The following GSE1 variants were observed in gnomAD, a reference collection of about 807,000 sequenced individuals.
GSE1 encodes genetic suppressor element 1.
Under a neutral mutation model 112.6 loss-of-function variants are expected in GSE1, and 32 were observed. That is an observed-to-expected ratio of 0.28 (90% CI 0.21 to 0.38). The LOEUF (loss-of-function observed/expected upper bound fraction) is 0.38, where lower values mean the gene tolerates loss of function less well. Ranked by LOEUF, GSE1 falls within the 10% of genes least tolerant of loss-of-function variation. The probability of loss-of-function intolerance (pLI) is 1.00; values close to 1 mark genes in which losing one functional copy is unlikely to be tolerated. For synonymous variants in GSE1, 1,115 were observed against 735.6 expected, an observed-to-expected ratio of 1.52 and a Z score of -8.35; for missense variants, 2,348 against 1,699.2, an observed-to-expected ratio of 1.38 and a Z score of -6.71.
At chr16:85,471,741 G>C (rs963514606) in intron 2 of GSE1, among the ~76,000 whole-genome samples, 1 of 151,650 alleles carries the variant, frequency 6.6e-6, no homozygotes, top group Admixed American at 6.6e-5. Flanking sequence ...CGATGATCTC[G>C]CTCTGTTGCC....
At chr16:85,439,447 G>T (rs1428561963) in intron 2 of GSE1, among the ~76,000 whole-genome samples, 2 of 152,230 alleles carry the variant, frequency 1.3e-5, no homozygotes, top group Non-Finnish European at 2.9e-5. Flanking sequence ...CCGAGCAGGA[G>T]GGGGAGAGAC....
chr16:85,280,346 G>T (rs78268862), intron 1 of GSE1, among the ~76,000 whole-genome samples: 5 of 152,084 alleles, frequency 3.3e-5, no homozygotes, highest in Non-Finnish European at 7.4e-5. Context: ...GATTCCACCC[G>T]TGGAATGCAC....
chr16:85,169,887 C>A lies in GSE1; in HGVS notation c.363C>A (p.Cys121Ter). ...ACTGGCTCAAGCGGCCCCACCAGTG[C>A]GACGCGGGCGCAGGCGGCCGCCGTG... Residue 121 changes from cysteine to a stop codon, truncating the protein, a stop_gained, in exon 1 of 3, where the codon TGC becomes TGA. Coordinates refer to the GSE1 transcript ENST00000637419. LOFTEE classifies it high-confidence loss of function. 2.0e-6 allele frequency: 2 copies of A among 984,422 alleles called. No individual in the cohort carries two copies. The highest frequency in any genetic ancestry group is 2.4e-6 in the Non-Finnish European group (2 of 829,580). The allele number at this position is 984,422 out of a possible 1,614,324, so 61.0% of individuals were successfully genotyped here. A position where few individuals can be genotyped will look rare whatever the true frequency, so the allele number is the denominator to read the frequency against.
At chr16:85,464,744 C>A (rs1172854966) in intron 2 of GSE1, among the ~76,000 whole-genome samples, 1 of 152,242 alleles carries the variant, frequency 6.6e-6, no homozygotes, top group African/African-American at 2.4e-5. Flanking sequence ...GCAGAGGCCA[C>A]CTGCGTGGAG....
chr16:85,453,966 C>G (rs1384441969), intron 2 of GSE1, among the ~76,000 whole-genome samples: 2 of 152,156 alleles, frequency 1.3e-5, no homozygotes, highest in Non-Finnish European at 2.9e-5. Flanking sequence ...AGCTGCCAGC[C>G]AGGTCCTCAT....
At chr16:85,393,986 C>G (rs536091155) in intron 2 of GSE1, among the ~76,000 whole-genome samples, 1 of 152,226 alleles carries the variant, frequency 6.6e-6, no homozygotes, top group Non-Finnish European at 1.5e-5. Context: ...GTGGAGCGCG[C>G]CCCTCTTCTC....
At position 85,671,419 on chromosome 16, in the gene GSE1, G is replaced by A. The variant is rs564412679; in HGVS notation, c.3519+321G>A. On this transcript the variant is annotated intron_variant, in intron 15 of 15. Coordinates refer to ENST00000253458, the MANE Select transcript of GSE1 (RefSeq NM_014615.5). Reference sequence around the variant, plus strand: ...TGCGCCACTGCACTCCAGCCTGGGCGACAGAGCGAGACTCCGTCTCAAAAA... The same window carrying A: ...TGCGCCACTGCACTCCAGCCTGGGCAACAGAGCGAGACTCCGTCTCAAAAA... Among the ~76,000 whole-genome samples, 365 of 123,174 alleles carry A rather than the reference G, an allele frequency of 3.0e-3. 3 individuals carry two copies. Among genetic ancestry groups the A allele is most frequent in the South Asian group, 0.023 (78 of 3,430 alleles). The allele number at this position is 123,174 out of a possible 152,430, so 80.8% of individuals were successfully genotyped here. A position where few individuals can be genotyped will look rare whatever the true frequency, so the allele number is the denominator to read the frequency against.
At chr16:85,307,930 G>A (rs2045726115) in intron 1 of GSE1, among the ~76,000 whole-genome samples, 2 of 152,216 alleles carry the variant, frequency 1.3e-5, no homozygotes, top group Non-Finnish European at 2.9e-5. Context: ...CTGTACACCA[G>A]TACTTGGGAG....
At chr16:85,410,119 C>G (rs1432154353) in intron 2 of GSE1, among the ~76,000 whole-genome samples, 7 of 66,612 alleles carry the variant, frequency 1.1e-4, no homozygotes, top group African/African-American at 2.3e-4. Flanking sequence ...ATAATCCTCA[C>G]TGTTGCACTC....
At chr16:85,604,400 C>T (rs2047594345) in intron 1 of GSE1, among the ~76,000 whole-genome samples, 2 of 152,090 alleles carry the variant, frequency 1.3e-5, no homozygotes, top group East Asian at 1.9e-4. Flanking sequence ...TTTTCTTCAT[C>T]TATCCATCAT....
At chr16:85,548,771 ATCCAGGATGATCTGG>A (rs936226406) in intron 2 of GSE1, among the ~76,000 whole-genome samples, 19 of 152,186 alleles carry the variant, frequency 1.2e-4, no homozygotes, top group African/African-American at 4.6e-4. Context: ...CACCCTAATC[ATCCAGGATGATCTGG>A]TCTGGGGATT....
At position 85,664,846 on chromosome 16, in the gene GSE1, C is replaced by G; in HGVS notation, c.2645-169C>G. The stretch of plus-strand genomic sequence containing the variant: ...GGATGCCGAGAGCAATCTGGGCTCG[C>G]TTTGAGATGGTTGCTTCCTTTCAAC... On this transcript the variant is annotated intron_variant, in intron 11 of 15. Coordinates refer to ENST00000253458, the MANE Select transcript of GSE1 (RefSeq NM_014615.5). 3 of 603,156 alleles carry G rather than the reference C, an allele frequency of 5.0e-6. No individual in the cohort carries two copies. In the Admixed American group the frequency reaches 8.1e-5, roughly 16 times the overall value. The allele number at this position is 603,156 out of a possible 1,614,324, so 37.4% of individuals were successfully genotyped here.
At chr16:85,475,147 C>T (rs2050413057) in intron 2 of GSE1, among the ~76,000 whole-genome samples, 1 of 152,234 alleles carries the variant, frequency 6.6e-6, no homozygotes, top group African/African-American at 2.4e-5. Flanking sequence ...CTCTTCCTGC[C>T]CCTCTCAGAC....
chr16:85,661,660 GC>G lies in GSE1; in HGVS notation c.2160del (p.Asp721ThrfsTer73). The G allele has an allele frequency of 6.2e-7, 1 of 1,611,004 alleles. No homozygotes were observed. Among genetic ancestry groups the G allele is most frequent in the Non-Finnish European group, 8.5e-7 (1 of 1,179,328 alleles). On this transcript the variant is annotated frameshift_variant, in exon 9 of 16. Coordinates refer to ENST00000253458, the MANE Select transcript of GSE1 (RefSeq NM_014615.5). LOFTEE classifies it high-confidence loss of function. ...GSPYRPPVPR[A>X]PDPAYIYDEF... ...GCCCTACCGGCCCCCAGTGCCACGG[GC>G]CCCCGACCCTGCCTACATCTATGAT... is the stretch of plus-strand genomic sequence containing the variant.
upstream of GSE1, among the ~76,000 whole-genome samples, chr16:85,553,135 C>T (rs2045008532): frequency 6.6e-6 from 1 of 151,616 alleles, no homozygotes; most frequent in African/African-American, 2.4e-5. Flanking sequence ...GCTCTGGCCG[C>T]CCCCCGCCCC....
chr16:85,221,084 C>T (rs528605870), intron 1 of GSE1, among the ~76,000 whole-genome samples: 3 of 151,978 alleles, frequency 2.0e-5, no homozygotes, highest in African/African-American at 4.8e-5. Flanking sequence ...GGCCCCCAGC[C>T]GTAAAATCCT....
intron 1 of GSE1, among the ~76,000 whole-genome samples, chr16:85,626,763 A>ACGGGATCCGCGGGAGGC (rs748699290): frequency 6.6e-5 from 10 of 152,038 alleles, no homozygotes; most frequent in Non-Finnish European, 1.3e-4. Context: ...AGCAGTAATT[A>ACGGGATCCGCGGGAGGC]CGGGATCCGC....
exon 1 of GSE1, chr16:85,170,622 C>T: frequency 1.0e-6 from 1 of 985,378 alleles, no homozygotes; most frequent in Non-Finnish European, 1.2e-6. Flanking sequence ...CAGCAGAAGG[C>T]CTTTGCTGCT....
At chr16:85,345,471 T>G (rs1419458734) in intron 1 of GSE1, among the ~76,000 whole-genome samples, 1 of 152,218 alleles carries the variant, frequency 6.6e-6, no homozygotes, top group Non-Finnish European at 1.5e-5. Flanking sequence ...TTGCGCTTGC[T>G]GTTCCTTGTT....
Sources: gnomAD v4.1 joint callset for allele counts (sites outside exome capture counted in the v4.1 genomes callset) on GRCh38, gnomAD v4.1.1 for gene constraint, MANE v1.5 for transcripts, NCBI Gene and HGNC (gene_info 2026-07-23, HGNC 2026-07-21) for gene names.